Variants in RTL9 observed in about 807,000 individuals in gnomAD.
The protein encoded by RTL9 is retrotransposon Gag-like protein 9.
In RTL9, 19 loss-of-function variants were observed where a neutral mutation model predicts 44.7. That is an observed-to-expected ratio of 0.42 (90% CI 0.30 to 0.62). The LOEUF (loss-of-function observed/expected upper bound fraction) is 0.62. RTL9 is among the 20% of genes least tolerant of loss of function. The pLI is 0.16. For synonymous variants in RTL9, 407 were observed against 398.9 expected, an observed-to-expected ratio of 1.02 and a Z score of -0.24; for missense variants, 1,105 against 1,080.6, an observed-to-expected ratio of 1.02 and a Z score of -0.32.
At chrX:110,381,812 T>C (rs1298881979) in intron 1 of RTL9, among the ~76,000 whole-genome samples, 1 of 109,714 alleles carries the variant, frequency 9.1e-6, no homozygotes, top group South Asian at 4.0e-4. Flanking sequence ...AGCAAATTAA[T>C]GCAAAAAAAA....
intron 1 of RTL9, among the ~76,000 whole-genome samples, chrX:110,394,271 A>G (rs2068514137): frequency 8.9e-6 from 1 of 111,735 alleles, no homozygotes; most frequent in African/African-American, 3.3e-5. Flanking sequence ...TGTTTTTGAG[A>G]CAGGGTCTCA....
chrX:110,390,238 TC>T (rs1319879880), intron 1 of RTL9, among the ~76,000 whole-genome samples: 1 of 111,932 alleles, frequency 8.9e-6, no homozygotes, highest in Non-Finnish European at 1.9e-5. Context: ...CAACATGGAG[TC>T]CCTTGTAGAT....
intron 1 of RTL9, among the ~76,000 whole-genome samples, chrX:110,428,533 C>T (rs181254140): frequency 1.8e-5 from 2 of 111,663 alleles, no homozygotes; most frequent in East Asian, 2.8e-4. Flanking sequence ...TCCAGGCCCC[C>T]GTTGCTTTAT....
exon 2 of RTL9, chrX:110,455,268 G>C: frequency 8.3e-7 from 1 of 1,210,534 alleles, no homozygotes; most frequent in Non-Finnish European, 1.1e-6. Context: ...AGGTCTTCAT[G>C]ATCACCTTGG....
At chrX:110,446,240 C>T (rs6655082), upstream of RTL9, among the ~76,000 whole-genome samples, 56,550 of 110,294 alleles carry the variant, frequency 0.51, 12,990 homozygotes, top group African/African-American at 0.88. Context: ...TTTGTCTGTA[C>T]GGAGGATTTC....
At chrX:110,369,653 A>AT (rs2068323899) in intron 1 of RTL9, among the ~76,000 whole-genome samples, 1 of 111,698 alleles carries the variant, frequency 9.0e-6, no homozygotes, top group East Asian at 2.8e-4. Flanking sequence ...AGCCACCAAG[A>AT]TCCCTTCCTG....
At chrX:110,443,291 G>C (rs780168730) in intron 1 of RTL9, among the ~76,000 whole-genome samples, 1 of 111,195 alleles carries the variant, frequency 9.0e-6, no homozygotes, top group Non-Finnish European at 1.9e-5. Flanking sequence ...TAGTGTTTCA[G>C]AATCACTTGG....
intron 1 of RTL9, among the ~76,000 whole-genome samples, chrX:110,375,764 T>C (rs1444540336): frequency 8.9e-6 from 1 of 112,071 alleles, no homozygotes; most frequent in African/African-American, 3.2e-5. Flanking sequence ...GGTGAAATCA[T>C]AAGTGGGCTA....
upstream of RTL9, among the ~76,000 whole-genome samples, chrX:110,448,310 C>T (rs959105932): frequency 1.8e-5 from 2 of 111,145 alleles, no homozygotes; most frequent in South Asian, 3.9e-4. Flanking sequence ...TTCTTTCCCT[C>T]GAGCCCTCTG....
chrX:110,417,668 C>T (rs183234310), upstream of RTL9, among the ~76,000 whole-genome samples: 1 of 111,896 alleles, frequency 8.9e-6, no homozygotes, highest in Admixed American at 9.4e-5. Flanking sequence ...AAGAATGGAC[C>T]AAACCAGTTC....
At chrX:110,397,151 C>T (rs980129271) in intron 1 of RTL9, among the ~76,000 whole-genome samples, 1 of 111,348 alleles carries the variant, frequency 9.0e-6, no homozygotes, top group East Asian at 2.8e-4. Flanking sequence ...GTTCCTGCCT[C>T]CTTCTTGTTC....
rs2068902260 is a variant in RTL9, at chrX:110,445,273, G to A, written c.-52+5G>A. 8.9e-6 allele frequency: 1 copy of A among 112,367 alleles called. No individual in the cohort carries two copies. The highest frequency in any genetic ancestry group is 9.4e-5 in the Admixed American group (1 of 10,622). The allele number at this position is 112,367 out of a possible 1,213,427, so 9.3% of individuals were successfully genotyped here. On this transcript the variant is annotated splice_donor_5th_base_variant and intron_variant, in intron 2 of 3. Transcript: ENST00000465301. ...CTCTCAGCGGTGAGAGCCAAGGTAA[G>A]TTACTTCATTTTAATTTCTCTCTAG... is the stretch of plus-strand genomic sequence containing the variant.
rs1265766276 is a variant in RTL9 at position 110,429,471 on chromosome X, TTTGTTTTGTTTTTTTG to T, written c.-168+10337_-168+10352del. Among the ~76,000 whole-genome samples, 12 of 77,855 alleles carry T rather than the reference TTTGTTTTGTTTTTTTG, an allele frequency of 1.5e-4. 1 individual carries two copies. In the African/African-American group the frequency reaches 1.6e-3, roughly 10 times the overall value. 67.6% of individuals were successfully genotyped at this position (77,855 alleles called of 115,157 possible). A position where few individuals can be genotyped will look rare whatever the true frequency, so the allele number is the denominator to read the frequency against. ...TAGAGAAAAAGTGTTTTTTTTTTTT[TTTGTTTTGTTTTTTTG>T]GTTTTTTTGTTTTTACAGAGGCTTG... On this transcript the variant is annotated intron_variant, in intron 1 of 3. Coordinates refer to the RTL9 transcript ENST00000465301.
intron 1 of RTL9, among the ~76,000 whole-genome samples, chrX:110,402,834 G>T (rs2068574233): frequency 8.9e-6 from 1 of 112,158 alleles, no homozygotes; most frequent in South Asian, 3.8e-4. Context: ...GGTCCTGAAA[G>T]GGGGGTGTCT....
chrX:110,382,748 G>T (rs932094946), intron 1 of RTL9, among the ~76,000 whole-genome samples: 1 of 111,694 alleles, frequency 9.0e-6, no homozygotes, highest in Non-Finnish European at 1.9e-5. Flanking sequence ...ACCCCAGAAG[G>T]GTTGCCTGAA....
chrX:110,442,221 T>TTCTCTC (rs781098261), intron 1 of RTL9, among the ~76,000 whole-genome samples: 17,860 of 69,980 alleles, frequency 0.26, 2,706 homozygotes, highest in African/African-American at 0.36. Flanking sequence ...ATCGAAGTCT[T>TTCTCTC]TCTCTCTCTC....
chrX:110,450,991 C>T (rs2068936172), exon 1 of RTL9: 3 of 1,211,843 alleles, frequency 2.5e-6, no homozygotes, highest in Non-Finnish European at 3.3e-6. Flanking sequence ...GATTCTGGAA[C>T]ATTGTCCCCA....
intron 1 of RTL9, among the ~76,000 whole-genome samples, chrX:110,436,480 C>T (rs750395848): frequency 2.5e-4 from 28 of 112,055 alleles, no homozygotes; most frequent in Non-Finnish European, 5.1e-4. Flanking sequence ...TGAGAATCAT[C>T]AGAGTCTACT....
At chrX:110,453,704 A>T in exon 1 of RTL9, 4 of 1,211,492 alleles carry the variant, frequency 3.3e-6, no homozygotes, top group Non-Finnish European at 4.5e-6. Context: ...CAAGGTCCAC[A>T]TCATTTATGA....
Sources: allele counts gnomAD v4.1 joint callset (sites outside exome capture counted in the v4.1 genomes callset), GRCh38; gene constraint gnomAD v4.1.1; transcripts MANE v1.5; gene names NCBI Gene and HGNC (gene_info 2026-07-23, HGNC 2026-07-21).